Variants in QSOX2 observed in about 807,000 individuals in gnomAD.
The protein encoded by QSOX2 is quiescin sulfhydryl oxidase 2, also known as sulfhydryl oxidase 2.
QSOX2 carries 46 observed loss-of-function variants against 61.7 expected under a neutral mutation model. The observed-to-expected ratio is 0.75, with a 90% confidence interval of 0.59 to 0.95. The LOEUF (loss-of-function observed/expected upper bound fraction) is 0.95. Ranked by LOEUF, QSOX2 falls within the 40% of genes least tolerant of loss-of-function variation. The probability of loss-of-function intolerance (pLI) is 0.00; values close to 1 mark genes in which losing one functional copy is unlikely to be tolerated. For missense variants in QSOX2, 879 were observed against 918.9 expected, an observed-to-expected ratio of 0.96 and a Z score of 0.56; for synonymous variants, 383 against 388.4, an observed-to-expected ratio of 0.99 and a Z score of 0.16.
rs922197102 is a variant in QSOX2, at chr9:136,210,550, C to T, written c.1549+714G>A. The T allele has an allele frequency of 1.5e-5, 15 of 985,276 alleles. No homozygotes were observed. The South Asian group carries it at 1.9e-4, about 12-fold the overall frequency. The allele number at this position is 985,276 out of a possible 1,614,324, so 61.0% of individuals were successfully genotyped here. Reference sequence around the variant, plus strand: ...GGAGAGACGGAGAAGCTGCGCTGACCGAGGGAACAAACCCCGCAGACACAC... The same window carrying T: ...GGAGAGACGGAGAAGCTGCGCTGACTGAGGGAACAAACCCCGCAGACACAC... On this transcript the variant is annotated intron_variant, in intron 11 of 11. Transcript: ENST00000358701.
intron 11 of QSOX2, chr9:136,210,513 G>A: frequency 1.0e-6 from 1 of 985,462 alleles, no homozygotes; most frequent in Non-Finnish European, 1.2e-6. Flanking sequence ...GCGATGCAGA[G>A]GCTGCCAGGG....
chr9:136,218,889 G>A (rs552700851), intron 7 of QSOX2, 81 bp from the exon 8 acceptor site: 449 of 1,577,174 alleles, frequency 2.8e-4, no homozygotes, highest in Middle Eastern at 1.0e-3. Context: ...TCCTCCCCAC[G>A]GACTCCCAGG....
chr9:136,208,442 G>C lies in QSOX2; in HGVS notation c.*286C>G. On this transcript the variant is annotated 3_prime_UTR_variant, in exon 12 of 12. Coordinates refer to ENST00000358701, the MANE Select transcript of QSOX2 (RefSeq NM_181701.4). ...ACTCTGCACCCTCTTTTCACATCTA[G>C]AAGAGTAAAAATACAGAAGTCTTTT... The C allele has an allele frequency of 2.7e-6, 1 of 367,226 alleles. No individual in the cohort carries two copies. The allele number at this position is 367,226 out of a possible 1,614,324, so 22.7% of individuals were successfully genotyped here.
At position 136,245,791 on chromosome 9, in the gene QSOX2, C is replaced by T. The variant is rs1228778827; in HGVS notation, c.13G>A (p.Gly5Arg). The T allele has an allele frequency of 8.6e-7, 1 of 1,156,722 alleles. No individual in the cohort carries two copies. Among genetic ancestry groups the T allele is most frequent in the Non-Finnish European group, 1.1e-6 (1 of 936,426 alleles). The allele number at this position is 1,156,722 out of a possible 1,614,324, so 71.7% of individuals were successfully genotyped here. Reference protein sequence around the residue: MAAAGAAVARSPGIG... With the variant: MAAARAAVARSPGIG... ...CCCGGGCTGCGCGCCACCGCCGCCC[C>T]GGCCGCCGCCATGTTGGAAGTGCCG... is the stretch of plus-strand genomic sequence containing the variant. Residue 5 changes from glycine (G) to arginine (R), a missense_variant, in exon 1 of 12, where the codon GGG becomes AGG. Gly to Arg is a moderately radical substitution (Grantham distance 125, BLOSUM62 -2). Coordinates refer to ENST00000358701, the MANE Select transcript of QSOX2 (RefSeq NM_181701.4).
At chr9:136,242,217 G>A (rs1409148180) in intron 1 of QSOX2, among the ~76,000 whole-genome samples, 1 of 152,364 alleles carries the variant, frequency 6.6e-6, no homozygotes, top group Non-Finnish European at 1.5e-5. Context: ...TATTTTCCCA[G>A]CCTTGAAAAA....
chr9:136,245,668 C>A lies in QSOX2; in HGVS notation c.136G>T (p.Gly46Trp), dbSNP rs1279918414. Residue 46 changes from glycine (G) to tryptophan (W), a missense_variant, in exon 1 of 12, where the codon GGG becomes TGG. By Grantham distance (184) the Gly-to-Trp change is radical. Transcript: ENST00000358701. ...LLVLLAAAAVGPGAGGAARLY... is the reference protein window; with the variant it reads ...LLVLLAAAAVWPGAGGAARLY... ...CGCGCCGCACCGCCCGCGCCCGGCCCCACCGCCGCCGCCGCTAGCAGCACT... is the reference window on the plus strand; with the variant it reads ...CGCGCCGCACCGCCCGCGCCCGGCCACACCGCCGCCGCCGCTAGCAGCACT... 9 of 1,215,784 alleles carry A rather than the reference C, an allele frequency of 7.4e-6. No homozygotes were observed. Among genetic ancestry groups the A allele is most frequent in the Non-Finnish European group, 9.2e-6 (9 of 980,372 alleles). The allele number at this position is 1,215,784 out of a possible 1,614,324, so 75.3% of individuals were successfully genotyped here.
At chr9:136,212,578 G>A (rs892361255) in intron 10 of QSOX2, among the ~76,000 whole-genome samples, 1 of 152,216 alleles carries the variant, frequency 6.6e-6, no homozygotes, top group Non-Finnish European at 1.5e-5. Flanking sequence ...GCGTGTCCAC[G>A]GGCAGCTGGG....
chr9:136,216,782 CG>C, intron 8 of QSOX2, 60 bp from the exon 9 acceptor site: 7 of 1,590,952 alleles, frequency 4.4e-6, no homozygotes, highest in South Asian at 2.2e-5. Flanking sequence ...GCCCCCACCG[CG>C]GGGGGCACCG....
chr9:136,212,761 C>A (rs180737947), intron 10 of QSOX2, among the ~76,000 whole-genome samples: 74 of 152,364 alleles, frequency 4.9e-4, no homozygotes, highest in Middle Eastern at 3.4e-3. Flanking sequence ...GGACAAGAAC[C>A]ATAAACCTCT....
Position 136,209,176 on chromosome 9 carries a change from T to A in QSOX2, c.1649A>T (p.Asp550Val), listed in dbSNP as rs1831815776. The A allele has an allele frequency of 2.5e-6, 4 of 1,614,138 alleles. No individual in the cohort carries two copies. Among genetic ancestry groups the A allele is most frequent in the African/African-American group, 2.7e-5 (2 of 75,048 alleles). ...HEEIKGLASWDEGHVLTFLKQ... is the reference protein window; with the variant it reads ...HEEIKGLASWVEGHVLTFLKQ... ...CAAGAATGTGAGCACGTGGCCTTCA[T>A]CCCAGCTGGCCAGGCCCTTAATTTC... The change falls in exon 12 of 12, where the codon GAT becomes GTT. Residue 550 changes from aspartate to valine, a missense_variant. Coordinates refer to ENST00000358701, the MANE Select transcript of QSOX2 (RefSeq NM_181701.4). This position sits in a 1 kb window ranked among gnomAD's most constrained non-coding sequence, Gnocchi z 5.6.
intron 8 of QSOX2, among the ~76,000 whole-genome samples, chr9:136,218,175 G>A (rs1449084008): frequency 6.6e-6 from 1 of 152,128 alleles, no homozygotes; most frequent in African/African-American, 2.4e-5. Context: ...CGCTCCTGGC[G>A]ACCCCCTCAG....
chr9:136,233,160 C>G (rs1830348133), intron 1 of QSOX2, among the ~76,000 whole-genome samples: 1 of 152,122 alleles, frequency 6.6e-6, no homozygotes, highest in Non-Finnish European at 1.5e-5. Flanking sequence ...GCCGCTAACC[C>G]TGAGCCTCGA....
intron 1 of QSOX2, among the ~76,000 whole-genome samples, chr9:136,235,724 G>A (rs1447156869): frequency 6.6e-6 from 1 of 152,190 alleles, no homozygotes; most frequent in Admixed American, 6.5e-5. Context: ...CCCTCGCGCT[G>A]GGTCACACCC....
chr9:136,218,038 C>T (rs1831934419), intron 8 of QSOX2, among the ~76,000 whole-genome samples: 1 of 152,258 alleles, frequency 6.6e-6, no homozygotes. Flanking sequence ...CCTAAGCCTT[C>T]TTGTCATTTA....
At chr9:136,237,137 C>T (rs1419328506) in intron 1 of QSOX2, among the ~76,000 whole-genome samples, 2 of 145,822 alleles carry the variant, frequency 1.4e-5, no homozygotes, top group South Asian at 2.2e-4. Context: ...CCTGGGCCGG[C>T]GTCACCTGGA....
intron 1 of QSOX2, among the ~76,000 whole-genome samples, chr9:136,242,374 G>T (rs1830439709): frequency 6.6e-6 from 1 of 152,238 alleles, no homozygotes; most frequent in Non-Finnish European, 1.5e-5. Context: ...AAGAACGCAG[G>T]GCGTGGCGGG....
chr9:136,240,475 C>A (rs1830425641), intron 1 of QSOX2, among the ~76,000 whole-genome samples: 1 of 152,140 alleles, frequency 6.6e-6, no homozygotes. Flanking sequence ...GACAGAGGTC[C>A]ACTGCAGCCT....
chr9:136,229,002 T>A (rs904361894), intron 1 of QSOX2, among the ~76,000 whole-genome samples: 1 of 152,204 alleles, frequency 6.6e-6, no homozygotes, highest in Non-Finnish European at 1.5e-5. Flanking sequence ...TGAAGGCTTG[T>A]GTGTGTTAGC....
intron 11 of QSOX2, chr9:136,210,424 G>A (rs2131048092): frequency 1.0e-6 from 1 of 985,454 alleles, no homozygotes; most frequent in South Asian, 4.7e-5. Context: ...CCAGGTCCAG[G>A]CAGGCCTGGC....
Sources: gnomAD v4.1 joint callset for allele counts (sites outside exome capture counted in the v4.1 genomes callset) on GRCh38, gnomAD v4.1.1 for gene constraint, Gnocchi (gnomAD v3.1) non-coding constraint, MANE v1.5 for transcripts, NCBI Gene and HGNC (gene_info 2026-07-23, HGNC 2026-07-21) for gene names.